Variants in PCDHGC3 observed in about 807,000 individuals in gnomAD.
PCDHGC3 encodes the protein protocadherin gamma subfamily C, 3.
Under a neutral mutation model 59.2 loss-of-function variants are expected in PCDHGC3, and 26 were observed. The ratio of observed to expected loss-of-function variants is 0.44; its 90% confidence interval spans 0.32 to 0.61. The LOEUF is 0.61. Among genes scored for constraint, PCDHGC3 ranks in the 20% least tolerant of loss-of-function variants. The probability of loss-of-function intolerance (pLI) is 0.05; values close to 1 mark genes in which losing one functional copy is unlikely to be tolerated. For missense variants in PCDHGC3, 1,080 were observed against 1,221.8 expected, an observed-to-expected ratio of 0.88 and a Z score of 1.73; for synonymous variants, 487 against 519.7, an observed-to-expected ratio of 0.94 and a Z score of 0.86.
chr5:141,505,267 A>G (rs2099845018), intron 2 of PCDHGC3, 126 bp from the exon 3 acceptor site: 1 of 1,514,640 alleles, frequency 6.6e-7, no homozygotes, highest in Admixed American at 2.0e-5. Flanking sequence ...TACCTTGCTG[A>G]GAGAAACAGG....
chr5:141,501,447 A>G (rs1483189279), intron 2 of PCDHGC3, among the ~76,000 whole-genome samples: 1 of 151,816 alleles, frequency 6.6e-6, no homozygotes, highest in Middle Eastern at 3.2e-3. Flanking sequence ...TTCCATTTTT[A>G]CTTTTCACTA....
rs776773140 is a variant in PCDHGC3, at chr5:141,476,589, G to T, written c.473G>T (p.Ser158Ile). The T allele has an allele frequency of 6.2e-7, 1 of 1,614,246 alleles. No individual in the cohort carries two copies. Among genetic ancestry groups the T allele is most frequent in the South Asian group, 1.1e-5 (1 of 91,090 alleles). The change falls in exon 1 of 4, where the codon AGC becomes ATC. Residue 158 changes from serine to isoleucine, a missense_variant. Ser to Ile is a moderately radical substitution (Grantham distance 142). Coordinates refer to ENST00000308177, the MANE Select transcript of PCDHGC3 (RefSeq NM_002588.4). This position sits in a 1 kb window ranked among gnomAD's most constrained non-coding sequence, Gnocchi z 7.6. ...CCGGGGACGCGCTTTCCGCTCGAGA[G>T]CGCGCACGATCCCGATGTGGGAAGC... The part of the protein sequence containing the change: ...VAPGTRFPLE[S>I]AHDPDVGSNS...
Position 141,490,226 on chromosome 5 carries a change from C to T in PCDHGC3, c.2431-4581C>T. On this transcript the variant is annotated intron_variant, in intron 1 of 3. Coordinates refer to ENST00000308177, the MANE Select transcript of PCDHGC3 (RefSeq NM_002588.4). This position sits in a 1 kb window ranked among gnomAD's most constrained non-coding sequence, Gnocchi z 5.4. ...AGAGCCCGTGACCAGGGACAGCCTG[C>T]CATGGAGGGCCACTGTGTGATTCAA... The T allele has an allele frequency of 6.2e-7, 1 of 1,614,168 alleles. No homozygotes were observed. Among genetic ancestry groups the T allele is most frequent in the Non-Finnish European group, 8.5e-7 (1 of 1,180,020 alleles).
In PCDHGC3 at chr5:141,511,131, C is replaced by T; in HGVS notation, c.2763C>T (p.Gly921=). ...GGGATGGCAAGGCCCCAGCAGGTGG[C>T]AATGGCAACAAGAAGAAGTCGGGCA... is the stretch of plus-strand genomic sequence containing the variant. ...GKRDGKAPAG[G]NGNKKKSGKK... is the part of the protein sequence containing the mutation. The change falls in exon 4 of 4, where the codon GGC becomes GGT. Residue 921 remains glycine (G), a synonymous_variant. Coordinates refer to ENST00000308177, the MANE Select transcript of PCDHGC3 (RefSeq NM_002588.4). 2 of 1,614,202 alleles carry T rather than the reference C, an allele frequency of 1.2e-6. No homozygotes were observed. Among genetic ancestry groups the T allele is most frequent in the Non-Finnish European group, 1.7e-6 (2 of 1,180,020 alleles).
chr5:141,479,057 T>A (rs2099487107), intron 1 of PCDHGC3, among the ~76,000 whole-genome samples: 1 of 152,234 alleles, frequency 6.6e-6, no homozygotes, highest in East Asian at 1.9e-4. Context: ...TCTCAGATAA[T>A]TTTTTATGAA....
In PCDHGC3 at chr5:141,483,740, A is replaced by T. The variant is rs2099586227; in HGVS notation, c.2430+5194A>T. Among the ~76,000 whole-genome samples, 4 of 152,148 alleles carry T rather than the reference A, an allele frequency of 2.6e-5. No homozygotes were observed. The South Asian group carries it at 8.3e-4, about 32-fold the overall frequency. ...TGGTTCCCACCATAGTCAAAAGGATATTCCTGAGGATCGAGGCTTGGAAAA... is the reference window on the plus strand; with the variant it reads ...TGGTTCCCACCATAGTCAAAAGGATTTTCCTGAGGATCGAGGCTTGGAAAA... On this transcript the variant is annotated intron_variant, in intron 1 of 3. Transcript: ENST00000308177.
In PCDHGC3 at chr5:141,489,835, C is replaced by G; in HGVS notation, c.2431-4972C>G. On this transcript the variant is annotated intron_variant, in intron 1 of 3. Transcript: ENST00000308177. This position sits in a 1 kb window ranked among gnomAD's most constrained non-coding sequence, Gnocchi z 4.5. Reference sequence around the variant, plus strand: ...ATTCCCAGAGCTGGTGCTAGAGCAGCAGCTGGATCGTGAAGCCCAGGCAAG... The same window carrying G: ...ATTCCCAGAGCTGGTGCTAGAGCAGGAGCTGGATCGTGAAGCCCAGGCAAG... The G allele has an allele frequency of 6.2e-7, 1 of 1,614,164 alleles. No homozygotes were observed. Among genetic ancestry groups the G allele is most frequent in the Non-Finnish European group, 8.5e-7 (1 of 1,179,972 alleles).
chr5:141,511,265 A>G lies in PCDHGC3; in HGVS notation c.*92A>G. On this transcript the variant is annotated 3_prime_UTR_variant, in exon 4 of 4. Coordinates refer to ENST00000308177, the MANE Select transcript of PCDHGC3 (RefSeq NM_002588.4). ...ACCCAGGCCTCAGAGTTTCAGGGCT[A>G]ACCCCCAGAATACTGGTAGGGGCCA... The G allele has an allele frequency of 6.4e-7, 1 of 1,551,730 alleles. No individual in the cohort carries two copies. Among genetic ancestry groups the G allele is most frequent in the South Asian group, 1.2e-5 (1 of 83,132 alleles).
intron 1 of PCDHGC3, chr5:141,484,903 G>A: frequency 2.5e-6 from 1 of 407,434 alleles, no homozygotes; most frequent in Non-Finnish European, 4.4e-6. Context: ...CTCCAATGCT[G>A]CGACGCATTA....
chr5:141,492,579 G>T (rs547852117), intron 1 of PCDHGC3, among the ~76,000 whole-genome samples: 2 of 152,356 alleles, frequency 1.3e-5, no homozygotes, highest in East Asian at 1.9e-4. Context: ...GAGGCGCGGG[G>T]CCAGGAGCGC....
Position 141,486,443 on chromosome 5 carries a change from A to G in PCDHGC3, c.2430+7897A>G, listed in dbSNP as rs747419698. Reference sequence around the variant, plus strand: ...AGAGGCCAAATCTAGCTATGACATCATGGTCACTGCTTCTGATGCTGGGAA... The same window carrying G: ...AGAGGCCAAATCTAGCTATGACATCGTGGTCACTGCTTCTGATGCTGGGAA... On this transcript the variant is annotated intron_variant, in intron 1 of 3. Transcript: ENST00000308177. The surrounding 1 kb of genome is among the most constrained non-coding windows in gnomAD (Gnocchi z 5.0). The G allele has an allele frequency of 1.9e-6, 3 of 1,614,060 alleles. No individual in the cohort carries two copies. Among genetic ancestry groups the G allele is most frequent in the South Asian group, 2.2e-5 (2 of 91,080 alleles).
At position 141,486,538 on chromosome 5, in the gene PCDHGC3, C is replaced by A; in HGVS notation, c.2430+7992C>A. 1 of 1,614,150 alleles carries A rather than the reference C, an allele frequency of 6.2e-7. No individual in the cohort carries two copies. Among genetic ancestry groups the A allele is most frequent in the Non-Finnish European group, 8.5e-7 (1 of 1,180,038 alleles). ...ATGTGAATGATAATCCACCCTCTTTCTTTCAGAGGTCACATGAGGTGTTTG... is the reference window on the plus strand; with the variant it reads ...ATGTGAATGATAATCCACCCTCTTTATTTCAGAGGTCACATGAGGTGTTTG... On this transcript the variant is annotated intron_variant, in intron 1 of 3. Coordinates refer to ENST00000308177, the MANE Select transcript of PCDHGC3 (RefSeq NM_002588.4). This position sits in a 1 kb window ranked among gnomAD's most constrained non-coding sequence, Gnocchi z 5.0.
At position 141,489,585 on chromosome 5, in the gene PCDHGC3, G is replaced by A; in HGVS notation, c.2431-5222G>A. 3 of 1,614,090 alleles carry A rather than the reference G, an allele frequency of 1.9e-6. No individual in the cohort carries two copies. Among genetic ancestry groups the A allele is most frequent in the Non-Finnish European group, 2.5e-6 (3 of 1,180,004 alleles). The stretch of plus-strand genomic sequence containing the variant: ...AGGTGGTGACTGAACACCCCCTGGA[G>A]CTAATCCGTGTAGAGGTAGAGATCC... On this transcript the variant is annotated intron_variant, in intron 1 of 3. Coordinates refer to ENST00000308177, the MANE Select transcript of PCDHGC3 (RefSeq NM_002588.4). The surrounding 1 kb of genome is among the most constrained non-coding windows in gnomAD (Gnocchi z 4.5).
At chr5:141,494,554 T>C (rs1270280236) in intron 1 of PCDHGC3, among the ~76,000 whole-genome samples, 1 of 152,178 alleles carries the variant, frequency 6.6e-6, no homozygotes, top group African/African-American at 2.4e-5. Flanking sequence ...GGGCCATTTC[T>C]TTAGGAAAGG....
Position 141,489,662 on chromosome 5 carries a change from G to T in PCDHGC3, c.2431-5145G>T, listed in dbSNP as rs2233601. On this transcript the variant is annotated intron_variant, in intron 1 of 3. Transcript: ENST00000308177. The surrounding 1 kb of genome is among the most constrained non-coding windows in gnomAD (Gnocchi z 4.5). Reference sequence around the variant, plus strand: ...TTTGCCACCCCTGAGCGAGAGATGCGCATCTCAGAATCAGCAGCATCTGGG... The same window carrying T: ...TTTGCCACCCCTGAGCGAGAGATGCTCATCTCAGAATCAGCAGCATCTGGG... 2.5e-6 allele frequency: 4 copies of T among 1,614,024 alleles called. No homozygotes were observed. The African/African-American group carries it at 4.0e-5, about 16-fold the overall frequency.
intron 1 of PCDHGC3, among the ~76,000 whole-genome samples, chr5:141,480,866 G>A (rs1329444129): frequency 6.6e-6 from 1 of 152,142 alleles, no homozygotes; most frequent in Non-Finnish European, 1.5e-5. Flanking sequence ...CCAATATGGT[G>A]AAACCCCGTC....
chr5:141,491,826 C>G lies in PCDHGC3; in HGVS notation c.2431-2981C>G. ...GGCTTGGTCGCTGGCTGCGCTCCAC[C>G]CGATTCTCGGGATCATTGGACCGTT... On this transcript the variant is annotated intron_variant, in intron 1 of 3. Coordinates refer to ENST00000308177, the MANE Select transcript of PCDHGC3 (RefSeq NM_002588.4). The surrounding 1 kb of genome is among the most constrained non-coding windows in gnomAD (Gnocchi z 6.9). 1 of 1,477,526 alleles carries G rather than the reference C, an allele frequency of 6.8e-7. No individual in the cohort carries two copies. The highest frequency in any genetic ancestry group is 9.0e-7 in the Non-Finnish European group (1 of 1,114,486). 91.5% of individuals were successfully genotyped at this position (1,477,526 alleles called of 1,614,324 possible). A position where few individuals can be genotyped will look rare whatever the true frequency, so the allele number is the denominator to read the frequency against.
intron 2 of PCDHGC3, among the ~76,000 whole-genome samples, chr5:141,500,020 T>A (rs905529317): frequency 6.6e-6 from 1 of 151,918 alleles, no homozygotes; most frequent in Non-Finnish European, 1.5e-5. Flanking sequence ...ACATTTTATA[T>A]TTGAGTGAGT....
chr5:141,491,583 C>G lies in PCDHGC3; in HGVS notation c.2431-3224C>G. On this transcript the variant is annotated intron_variant, in intron 1 of 3. Coordinates refer to ENST00000308177, the MANE Select transcript of PCDHGC3 (RefSeq NM_002588.4). This position sits in a 1 kb window ranked among gnomAD's most constrained non-coding sequence, Gnocchi z 6.9. ...GCTACAGGACGTGCTTTTCACCGGC[C>G]TCGGACGGCAGTGACTTCACTTTTC... is the stretch of plus-strand genomic sequence containing the variant. 1 of 1,613,964 alleles carries G rather than the reference C, an allele frequency of 6.2e-7. No individual in the cohort carries two copies. The highest frequency in any genetic ancestry group is 8.5e-7 in the Non-Finnish European group (1 of 1,180,046).
Sources: gnomAD v4.1 joint callset for allele counts (sites outside exome capture counted in the v4.1 genomes callset) on GRCh38, gnomAD v4.1.1 for gene constraint, Gnocchi (gnomAD v3.1) non-coding constraint, MANE v1.5 for transcripts, NCBI Gene and HGNC (gene_info 2026-07-23, HGNC 2026-07-21) for gene names.